Variants in TRIM14 observed in about 807,000 individuals in gnomAD.
The protein encoded by TRIM14 is tripartite motif containing 14, also known as tripartite motif-containing protein 14.
In TRIM14, 28 loss-of-function variants were observed where a neutral mutation model predicts 44.5. The ratio of observed to expected loss-of-function variants is 0.63; its 90% CI spans 0.47 to 0.86. TRIM14 has a LOEUF of 0.86. Among genes scored for constraint, TRIM14 ranks in the 40% least tolerant of loss-of-function variants. TRIM14 has a pLI of 0.00. For synonymous variants in TRIM14, 299 were observed against 269.2 expected, an observed-to-expected ratio of 1.11 and a Z score of -1.08; for missense variants, 607 against 611.1, an observed-to-expected ratio of 0.99 and a Z score of 0.07.
downstream of TRIM14, among the ~76,000 whole-genome samples, chr9:98,065,514 T>C (rs1356220760): frequency 7.1e-6 from 1 of 141,358 alleles, no homozygotes. Context: ...TTTTTTTGTA[T>C]TTTTAGTAGA....
chr9:98,040,387 C>G, the TRIM14 span, among the ~76,000 whole-genome samples: 1 of 152,060 alleles, frequency 6.6e-6, no homozygotes, highest in Admixed American at 6.6e-5. Flanking sequence ...CCTCATTCTC[C>G]TGGACTGCTC....
chr9:98,060,905 C>T, the TRIM14 span: 14 of 1,614,080 alleles, frequency 8.7e-6, no homozygotes, highest in African/African-American at 5.3e-5. Flanking sequence ...GGAGCACAAA[C>T]GACATCTGGA....
chr9:98,046,964 G>A, the TRIM14 span, among the ~76,000 whole-genome samples: 2 of 152,138 alleles, frequency 1.3e-5, no homozygotes, highest in African/African-American at 4.8e-5. Context: ...GCTGGAAAAG[G>A]TCCCTTTGTG....
chr9:98,053,121 CT>C, the TRIM14 span, among the ~76,000 whole-genome samples: 1 of 152,246 alleles, frequency 6.6e-6, no homozygotes, highest in Non-Finnish European at 1.5e-5. Flanking sequence ...CCTAAGCCCC[CT>C]GAGCCAAGAA....
At chr9:98,064,349 G>A (rs866298646), downstream of TRIM14, among the ~76,000 whole-genome samples, 3 of 152,106 alleles carry the variant, frequency 2.0e-5, no homozygotes, top group South Asian at 2.1e-4. Flanking sequence ...CACCTCCCGG[G>A]TTCAAGTTAT....
chr9:98,057,114 C>A, the TRIM14 span, among the ~76,000 whole-genome samples: 11 of 152,376 alleles, frequency 7.2e-5, no homozygotes, highest in African/African-American at 2.2e-4. Context: ...GTGTCCGCCA[C>A]CCTCGTGACC....
chr9:98,040,275 A>C, the TRIM14 span, among the ~76,000 whole-genome samples: 1 of 152,148 alleles, frequency 6.6e-6, no homozygotes, highest in Non-Finnish European at 1.5e-5. Flanking sequence ...TTTTCAAGAA[A>C]GGGCTATTTT....
chr9:98,058,847 C>T, the TRIM14 span, among the ~76,000 whole-genome samples: 1 of 152,150 alleles, frequency 6.6e-6, no homozygotes, highest in Non-Finnish European at 1.5e-5. Flanking sequence ...CAACTTTAGT[C>T]AGGTCAGTCT....
At chr9:98,074,150 G>C (rs1829475625) in intron 6 of TRIM14, among the ~76,000 whole-genome samples, 1 of 152,172 alleles carries the variant, frequency 6.6e-6, no homozygotes, top group East Asian at 1.9e-4. Context: ...CAGCTAAGTT[G>C]ATTTACTGGG....
the TRIM14 span, among the ~76,000 whole-genome samples, chr9:98,059,035 T>C: frequency 6.6e-6 from 1 of 152,104 alleles, no homozygotes; most frequent in Admixed American, 6.6e-5. Context: ...TTTTATTTTT[T>C]TTTTTCAAGA....
chr9:98,037,250 C>T, the TRIM14 span, among the ~76,000 whole-genome samples: 1 of 151,994 alleles, frequency 6.6e-6, no homozygotes, highest in Non-Finnish European at 1.5e-5. Context: ...TGGTGGCAGG[C>T]ACCTGTAATC....
chr9:98,103,517 A>G (rs778167213), intron 2 of TRIM14, among the ~76,000 whole-genome samples: 2 of 152,016 alleles, frequency 1.3e-5, no homozygotes, highest in Admixed American at 6.6e-5. Flanking sequence ...AAAAATGACA[A>G]TTTGTTCATG....
At chr9:98,082,996 G>GTCATCCTCTTCA, downstream of TRIM14, 1 of 1,614,228 alleles carries the variant, frequency 6.2e-7, no homozygotes, top group Non-Finnish European at 8.5e-7. Context: ...CACTGTTGAA[G>GTCATCCTCTTCA]AGGATGACAC....
intron 1 of TRIM14, among the ~76,000 whole-genome samples, chr9:98,114,271 A>G (rs1459005613): frequency 6.6e-6 from 1 of 152,190 alleles, no homozygotes; most frequent in Non-Finnish European, 1.5e-5. Context: ...CACACAAATA[A>G]CCACATATCC....
At position 98,078,421 on chromosome 9, in the gene TRIM14, A is replaced by G. The variant is rs1489791949; in HGVS notation, c.*29-8734T>C. ...AGGCGTAGTCTTTTTTATAACCAAA[A>G]TTCTAACAAACATGGCATACTTTAT... On this transcript the variant is annotated intron_variant, in intron 6 of 6. Coordinates refer to the TRIM14 transcript ENST00000375098. 3.3e-6 allele frequency: 5 copies of G among 1,509,788 alleles called. No individual in the cohort carries two copies. The African/African-American group carries it at 4.2e-5, about 13-fold the overall frequency. 93.5% of individuals were successfully genotyped at this position (1,509,788 alleles called of 1,614,324 possible).
intron 2 of TRIM14, among the ~76,000 whole-genome samples, chr9:98,107,537 T>C (rs778695313): frequency 6.6e-6 from 1 of 152,158 alleles, no homozygotes; most frequent in Admixed American, 6.5e-5. Context: ...GAGTGAAAAA[T>C]ACCTCAAAAG....
chr9:98,065,593 C>T (rs1185092966), downstream of TRIM14, among the ~76,000 whole-genome samples: 2 of 147,818 alleles, frequency 1.4e-5, no homozygotes, highest in African/African-American at 2.5e-5. Flanking sequence ...CCCTTCTTGG[C>T]CTCCCAAAGT....
At chr9:98,109,611 T>C (rs1826766877) in intron 2 of TRIM14, among the ~76,000 whole-genome samples, 1 of 152,184 alleles carries the variant, frequency 6.6e-6, no homozygotes, top group Non-Finnish European at 1.5e-5. Context: ...TCCAAGAGAC[T>C]GGCAGATGAC....
At chr9:98,081,309 C>G (rs1187349468), downstream of TRIM14, 1 of 599,830 alleles carries the variant, frequency 1.7e-6, no homozygotes, top group Non-Finnish European at 2.9e-6. Flanking sequence ...AGCAGTTTCT[C>G]TGGCCACCTA....
Sources: allele counts gnomAD v4.1 joint callset (sites outside exome capture counted in the v4.1 genomes callset), GRCh38; gene constraint gnomAD v4.1.1; transcripts MANE v1.5; gene names NCBI Gene and HGNC (gene_info 2026-07-23, HGNC 2026-07-21).